The following ACSBG2 variants were observed in gnomAD, a reference collection of about 807,000 sequenced individuals.
ACSBG2 encodes the protein acyl-CoA synthetase bubblegum family member 2.
Under a neutral mutation model 74.7 loss-of-function variants are expected in ACSBG2, and 62 were observed. The ratio of observed to expected loss-of-function variants is 0.83; its 90% confidence interval spans 0.68 to 1.03. The LOEUF (loss-of-function observed/expected upper bound fraction) is 1.03. Ranked by LOEUF, ACSBG2 falls within the 50% of genes least tolerant of loss-of-function variation. The pLI is 0.00. For synonymous variants in ACSBG2, 309 were observed against 294.1 expected, an observed-to-expected ratio of 1.05 and a Z score of -0.52; for missense variants, 730 against 817.6, an observed-to-expected ratio of 0.89 and a Z score of 1.31.
At chr19:6,145,138 C>A (rs113969883) in intron 2 of ACSBG2, among the ~76,000 whole-genome samples, 3,558 of 152,068 alleles carry the variant, frequency 0.023, 52 homozygotes, top group South Asian at 0.054. Context: ...GTGGCTCATG[C>A]CTGTAATCCC....
At chr19:6,187,565 G>A (rs1414660729) in intron 12 of ACSBG2, 34 bp from the exon 13 acceptor site, 7 of 1,613,142 alleles carry the variant, frequency 4.3e-6, no homozygotes, top group South Asian at 1.1e-5. Flanking sequence ...GCTGGTCAAG[G>A]AGCATGGGTG....
intron 4 of ACSBG2, among the ~76,000 whole-genome samples, chr19:6,154,422 GAGAGAGAGAGAAA>G (rs893261700): frequency 2.2e-5 from 2 of 89,374 alleles, no homozygotes; most frequent in African/African-American, 5.9e-5. Flanking sequence ...GAGAGAGAGA[GAGAGAGAGAGAAA>G]ATTATTATTA....
At chr19:6,146,741 G>A (rs780374862) in intron 2 of ACSBG2, among the ~76,000 whole-genome samples, 2 of 151,076 alleles carry the variant, frequency 1.3e-5, no homozygotes, top group Non-Finnish European at 2.9e-5. Flanking sequence ...CTCCAACCTG[G>A]GCAAGAAAAG....
chr19:6,172,005 T>G (rs1191796662), intron 7 of ACSBG2, among the ~76,000 whole-genome samples: 1 of 152,156 alleles, frequency 6.6e-6, no homozygotes, highest in Non-Finnish European at 1.5e-5. Context: ...TAACTATATT[T>G]TTAAATTTCT....
Position 6,142,604 on chromosome 19 carries a change from T to C in ACSBG2, c.67+994T>C, listed in dbSNP as rs577249573. Among the ~76,000 whole-genome samples, 22 of 151,776 alleles carry C rather than the reference T, an allele frequency of 1.4e-4. No individual in the cohort carries two copies. The South Asian group carries it at 4.6e-3, about 32-fold the overall frequency. ...CGTCTCTACTAAAAAATACAAAAAA[T>C]TAGCCAGGTGTGGTGGCGGGTGCCT... On this transcript the variant is annotated intron_variant, in intron 2 of 14. Transcript: ENST00000588485.
chr19:6,183,414 C>T, intron 10 of ACSBG2, 142 bp downstream of exon 10: 2 of 704,414 alleles, frequency 2.8e-6, no homozygotes, highest in African/African-American at 3.6e-5. Flanking sequence ...GCCTCCAAGT[C>T]CTAACTCCGC....
chr19:6,187,669 G>A lies in ACSBG2; in HGVS notation c.1751G>A (p.Gly584Asp), dbSNP rs17851959. 0.021 allele frequency: 33,234 copies of A among 1,614,020 alleles called. 571 individuals carry two copies. Among genetic ancestry groups the A allele is most frequent in the South Asian group, 0.059 (5,327 of 91,056 alleles). Residue 584 changes from glycine (G) to aspartate (D), a missense_variant, in exon 13 of 15, where the codon GGT becomes GAT. By Grantham distance (94) the Gly-to-Asp change is moderately conservative. Transcript: ENST00000588485. ...TTCGAGGCCATCAACTTCTGTCGGG[G>A]TCTGGGCAGCCAGGCATCCACCGTG... is the stretch of plus-strand genomic sequence containing the variant. ...LNFEAINFCR[G>D]LGSQASTVTE...
intron 4 of ACSBG2, among the ~76,000 whole-genome samples, chr19:6,154,420 GAGAGAGAGAGAGAAA>G (rs1226805356): frequency 3.4e-5 from 3 of 88,868 alleles, no homozygotes; most frequent in Non-Finnish European, 8.0e-5. Context: ...GAGAGAGAGA[GAGAGAGAGAGAGAAA>G]ATTATTATTA....
At chr19:6,169,562 T>C (rs1161783856) in intron 7 of ACSBG2, among the ~76,000 whole-genome samples, 2 of 152,108 alleles carry the variant, frequency 1.3e-5, no homozygotes, top group Admixed American at 1.3e-4. Context: ...GATTGCTCTA[T>C]TTGGGCTTTC....
chr19:6,144,398 C>T (rs147269939), intron 2 of ACSBG2, among the ~76,000 whole-genome samples: 7 of 152,292 alleles, frequency 4.6e-5, no homozygotes, highest in African/African-American at 7.2e-5. Context: ...CCTGCACACA[C>T]GGAGAATGTC....
At position 6,183,779 on chromosome 19, in the gene ACSBG2, A is replaced by C. The variant is rs114394502; in HGVS notation, c.1322+507A>C. Among the ~76,000 whole-genome samples, 3 of 152,046 alleles carry C rather than the reference A, an allele frequency of 2.0e-5. No individual in the cohort carries two copies. The East Asian group carries it at 5.8e-4, about 29-fold the overall frequency. ...TTTAGCATGGGTGAGGTTTGAAAAA[A>C]TCTTTTCATACATGTGTTTATTTAT... is the stretch of plus-strand genomic sequence containing the variant. On this transcript the variant is annotated intron_variant, in intron 10 of 14. Transcript: ENST00000588485.
intron 10 of ACSBG2, among the ~76,000 whole-genome samples, 181 bp downstream of exon 10, chr19:6,183,453 A>T (rs550125489): frequency 6.6e-6 from 1 of 152,188 alleles, no homozygotes; most frequent in Non-Finnish European, 1.5e-5. Flanking sequence ...GGATGGTAAG[A>T]GAGCCCACAG....
At chr19:6,156,393 T>TGTGTG in intron 4 of ACSBG2, 38 bp from the exon 5 acceptor site, 2 of 1,561,710 alleles carry the variant, frequency 1.3e-6, no homozygotes, top group East Asian at 2.5e-5. Flanking sequence ...CTTTAAGGTG[T>TGTGTG]GTGTGGATGC....
At chr19:6,160,559 C>G (rs2089573692) in intron 5 of ACSBG2, 2 of 152,142 alleles carry the variant, frequency 1.3e-5, no homozygotes, top group Admixed American at 1.3e-4. Context: ...ATCTGGGCTG[C>G]AAGGTGCAAA....
rs751713223 is a variant in ACSBG2 at position 6,156,556 on chromosome 19, AC to A, written c.507+9del. The A allele has an allele frequency of 3.2e-6, 5 of 1,559,392 alleles. No homozygotes were observed. The Admixed American group carries it at 7.7e-5, about 24-fold the overall frequency. On this transcript the variant is annotated splice_donor_region_variant and intron_variant, in intron 5 of 14. Transcript: ENST00000588485. ...CAGTTACAGAAAATCCTTTCGGTAA[AC>A]CCCTACCCAGCACTGCCTGCCAAAG...
At position 6,183,014 on chromosome 19, in the gene ACSBG2, C is replaced by T. The variant is rs73923464; in HGVS notation, c.1089-25C>T. On this transcript the variant is annotated intron_variant, in intron 9 of 14. Coordinates refer to ENST00000588485, the MANE Select transcript of ACSBG2 (RefSeq NM_030924.5). ...CCAGTGGGTCCCATCAGCCCTTCTC[C>T]ACTTGACGGCATTCTTATTCACAGG... The T allele has an allele frequency of 5.9e-5, 95 of 1,613,612 alleles. No homozygotes were observed. In the African/African-American group the frequency reaches 1.1e-3, roughly 19 times the overall value.
chr19:6,173,119 G>A (rs1353049723), intron 7 of ACSBG2, among the ~76,000 whole-genome samples: 1 of 152,168 alleles, frequency 6.6e-6, no homozygotes, highest in African/African-American at 2.4e-5. Flanking sequence ...TCCCAAGGGG[G>A]GCTTTGGTGG....
intron 4 of ACSBG2, 129 bp downstream of exon 4, chr19:6,151,924 A>G: frequency 1.3e-6 from 1 of 760,878 alleles, no homozygotes. Flanking sequence ...CAGGCAGGAT[A>G]GATGCACGAA....
At chr19:6,149,201 G>A (rs1481258628) in intron 3 of ACSBG2, among the ~76,000 whole-genome samples, 1 of 152,152 alleles carries the variant, frequency 6.6e-6, no homozygotes, top group East Asian at 1.9e-4. Flanking sequence ...ATTAGTCGGT[G>A]TAACTAGGCA....
Sources: gnomAD v4.1 joint callset for allele counts (sites outside exome capture counted in the v4.1 genomes callset) on GRCh38, gnomAD v4.1.1 for gene constraint, MANE v1.5 for transcripts, NCBI Gene and HGNC (gene_info 2026-07-23, HGNC 2026-07-21) for gene names.